The following NFIB variants were observed in gnomAD, a reference collection of about 807,000 sequenced individuals.
The protein encoded by NFIB is nuclear factor I B, also known as nuclear factor 1 B-type.
NFIB carries 11 observed loss-of-function variants against 61.5 expected under a neutral mutation model. The ratio of observed to expected loss-of-function variants is 0.18; its 90% CI spans 0.11 to 0.30. The LOEUF (loss-of-function observed/expected upper bound fraction) is 0.30. NFIB is among the 10% of genes least tolerant of loss of function. The probability of loss-of-function intolerance (pLI) is 1.00; values close to 1 mark genes in which losing one functional copy is unlikely to be tolerated. For synonymous variants in NFIB, 260 were observed against 216.5 expected (o/e 1.20, Z -1.76); for missense variants, 471 against 608.9 (o/e 0.77, Z 2.38).
intron 2 of NFIB, among the ~76,000 whole-genome samples, chr9:14,237,954 C>T (rs140071165): frequency 2.9e-4 from 43 of 150,410 alleles, no homozygotes; most frequent in African/African-American, 1.0e-3. Context: ...CCACATGAGG[C>T]TTACGGTCTA....
intron 2 of NFIB, among the ~76,000 whole-genome samples, chr9:14,269,714 A>T (rs546305294): frequency 6.6e-6 from 1 of 152,312 alleles, no homozygotes; most frequent in Admixed American, 6.5e-5. Context: ...TACTCTACAT[A>T]TACCTATATG....
At chr9:14,312,682 G>T (rs1384630055) in intron 1 of NFIB, among the ~76,000 whole-genome samples, 1 of 152,046 alleles carries the variant, frequency 6.6e-6, no homozygotes, top group Non-Finnish European at 1.5e-5. Flanking sequence ...TTATTCCTAA[G>T]GTCTTAGGAC....
At chr9:14,212,637 G>GGA (rs2050431841) in intron 2 of NFIB, among the ~76,000 whole-genome samples, 2 of 145,528 alleles carry the variant, frequency 1.4e-5, no homozygotes, top group South Asian at 4.3e-4. Context: ...ATTCCTCTGG[G>GGA]AAAAAAAAAA....
chr9:14,247,264 T>C (rs959269224), intron 2 of NFIB, among the ~76,000 whole-genome samples: 2 of 152,208 alleles, frequency 1.3e-5, no homozygotes, highest in Admixed American at 6.5e-5. Flanking sequence ...TCTGGTATGA[T>C]GCACAATGTA....
chr9:14,522,386 A>G, the NFIB span, among the ~76,000 whole-genome samples: 2 of 152,214 alleles, frequency 1.3e-5, no homozygotes, highest in Non-Finnish European at 2.9e-5. Context: ...GGTGCCAATA[A>G]AATGAATAGC....
chr9:14,348,786 C>T (rs2061067187), intron 1 of NFIB, among the ~76,000 whole-genome samples: 1 of 152,248 alleles, frequency 6.6e-6, no homozygotes, highest in Non-Finnish European at 1.5e-5. Context: ...TCTTTGAAAA[C>T]TGGAAACAGC....
chr9:14,365,621 T>C (rs781631443), intron 1 of NFIB, among the ~76,000 whole-genome samples: 2 of 152,224 alleles, frequency 1.3e-5, no homozygotes, highest in African/African-American at 4.8e-5. Context: ...AGTTCAGAAA[T>C]AGATTCTTAT....
chr9:14,336,235 A>G (rs1473831995), intron 1 of NFIB, among the ~76,000 whole-genome samples: 1 of 152,260 alleles, frequency 6.6e-6, no homozygotes, highest in Admixed American at 6.5e-5. Context: ...TGAAGCTGCA[A>G]TTAGCACCTG....
chr9:14,293,196 C>T (rs1177254297), intron 2 of NFIB, among the ~76,000 whole-genome samples: 1 of 152,082 alleles, frequency 6.6e-6, no homozygotes, highest in Non-Finnish European at 1.5e-5. Context: ...AAAATATTGC[C>T]CATAACTATT....
chr9:14,452,658 A>G, the NFIB span, among the ~76,000 whole-genome samples: 5 of 152,172 alleles, frequency 3.3e-5, no homozygotes, highest in African/African-American at 9.6e-5. Context: ...ATTTGGCCCT[A>G]TTCCCTAGTA....
intron 1 of NFIB, among the ~76,000 whole-genome samples, chr9:14,397,838 G>A (rs2061702592): frequency 6.6e-6 from 1 of 152,070 alleles, no homozygotes; most frequent in Non-Finnish European, 1.5e-5. Flanking sequence ...AGATATAATG[G>A]GTACGTGCTG....
intron 6 of NFIB, among the ~76,000 whole-genome samples, chr9:14,133,624 G>A (rs570417858): frequency 3.9e-5 from 6 of 152,246 alleles, no homozygotes; most frequent in Admixed American, 6.5e-5. Flanking sequence ...ACTGCCAACT[G>A]AAAGCTAAAA....
rs2061681411 is a variant in NFIB at position 14,395,960 on chromosome 9, T to C, written c.108+2564A>G. Among the ~76,000 whole-genome samples the C allele has an allele frequency of 3.3e-5, 5 of 152,058 alleles. No individual in the cohort carries two copies. The South Asian group carries it at 1.0e-3, about 32-fold the overall frequency. ...TATCAGGGCACTGCAGCTGTCAGTG[T>C]TGGCTGCGGAAGCCAGTGATTGTCC... On this transcript the variant is annotated intron_variant, in intron 1 of 8. Transcript: ENST00000380934.
the NFIB span, among the ~76,000 whole-genome samples, chr9:14,530,096 G>T: frequency 6.6e-6 from 1 of 152,052 alleles, no homozygotes; most frequent in African/African-American, 2.4e-5. Context: ...TTCCCCAACA[G>T]AAAATGTTTC....
intron 6 of NFIB, among the ~76,000 whole-genome samples, chr9:14,126,054 C>G (rs1015681250): frequency 6.6e-6 from 1 of 152,070 alleles, no homozygotes; most frequent in Non-Finnish European, 1.5e-5. Context: ...TCCTTTAGCC[C>G]CTTGGTTCAC....
Position 14,083,411 on chromosome 9 carries a change from G to C in NFIB, c.*4898C>G, listed in dbSNP as rs146793306. 457 of 210,354 alleles carry C rather than the reference G, an allele frequency of 2.2e-3. 1 individual carries two copies. Among genetic ancestry groups the C allele is most frequent in the African/African-American group, 0.01 (439 of 43,090 alleles). The allele number at this position is 210,354 out of a possible 1,614,324, so 13.0% of individuals were successfully genotyped here. A position where few individuals can be genotyped will look rare whatever the true frequency, so the allele number is the denominator to read the frequency against. ...CAAAATATGAAGAAGGCAGCTTTCA[G>C]CTCCTTCAGCATGGAGTAGAACATT... On this transcript the variant is annotated 3_prime_UTR_variant, in exon 11 of 11. Transcript: ENST00000380953.
the NFIB span, among the ~76,000 whole-genome samples, chr9:14,437,112 C>G: frequency 6.6e-6 from 1 of 152,282 alleles, no homozygotes; most frequent in African/African-American, 2.4e-5. Flanking sequence ...CTCTCTGTGT[C>G]TCTATTTCCT....
rs549627978 is a variant in NFIB at position 14,194,905 on chromosome 9, T to C, written c.563-15125A>G. Among the ~76,000 whole-genome samples the C allele has an allele frequency of 2.0e-5, 3 of 152,210 alleles. No homozygotes were observed. The South Asian group carries it at 6.2e-4, about 32-fold the overall frequency. ...ACACTGAGATAACGTATTAGGAAAT[T>C]ATTTTTTAATATTGGAGGTGCACTC... is the stretch of plus-strand genomic sequence containing the variant. On this transcript the variant is annotated intron_variant, in intron 2 of 10. Coordinates refer to ENST00000380953, the MANE Select transcript of NFIB (RefSeq NM_001190737.2).
At chr9:14,347,573 G>C (rs1394482809) in intron 1 of NFIB, among the ~76,000 whole-genome samples, 1 of 124,554 alleles carries the variant, frequency 8.0e-6, no homozygotes, top group South Asian at 2.7e-4. Context: ...GAGTGAGCTG[G>C]GTGCGATTGG....
Sources: allele counts gnomAD v4.1 joint callset (sites outside exome capture counted in the v4.1 genomes callset), GRCh38; gene constraint gnomAD v4.1.1; transcripts MANE v1.5; gene names NCBI Gene and HGNC (gene_info 2026-07-23, HGNC 2026-07-21).